Variants in OSBP2 observed in about 807,000 individuals in gnomAD.
The protein encoded by OSBP2 is oxysterol binding protein 2, also known as oxysterol-binding protein 2.
A neutral mutation model predicts 96.0 loss-of-function variants in OSBP2; 66 were observed. The ratio of observed to expected loss-of-function variants is 0.69; its 90% confidence interval spans 0.56 to 0.84. The LOEUF (loss-of-function observed/expected upper bound fraction) is 0.84. Among genes scored for constraint, OSBP2 ranks in the 40% least tolerant of loss-of-function variants. The pLI, the probability that OSBP2 is intolerant of heterozygous loss-of-function variation, is 0.00. For synonymous variants in OSBP2, 525 were observed against 520.9 expected (o/e 1.01, Z -0.11); for missense variants, 1,038 against 1,222.7 (o/e 0.85, Z 2.25).
intron 3 of OSBP2, chr22:30,872,204 C>T (rs2039472947): frequency 2.2e-6 from 1 of 455,928 alleles, no homozygotes; most frequent in Admixed American, 2.3e-5. Flanking sequence ...CCACTGTCCT[C>T]CTTACAGCCC....
intron 1 of OSBP2, among the ~76,000 whole-genome samples, chr22:30,720,158 G>A (rs1465478735): frequency 1.3e-5 from 2 of 152,238 alleles, no homozygotes; most frequent in Non-Finnish European, 2.9e-5. Context: ...CAGAGAGGCT[G>A]TCTCAGTGTT....
At chr22:30,862,977 G>GA in intron 2 of OSBP2, among the ~76,000 whole-genome samples, 1 of 138,996 alleles carries the variant, frequency 7.2e-6, no homozygotes, top group Non-Finnish European at 1.6e-5. Context: ...AAAAAAAAAA[G>GA]AAAAAAAGAA....
intron 1 of OSBP2, among the ~76,000 whole-genome samples, chr22:30,704,061 A>G (rs1295120388): frequency 1.3e-5 from 2 of 152,168 alleles, no homozygotes; most frequent in Admixed American, 6.6e-5. Flanking sequence ...AGCCCACGCA[A>G]AGGTGTCCAC....
At chr22:30,774,857 C>T (rs1193383781) in intron 2 of OSBP2, among the ~76,000 whole-genome samples, 1 of 152,102 alleles carries the variant, frequency 6.6e-6, no homozygotes, top group Non-Finnish European at 1.5e-5. Flanking sequence ...GGTTACCAAA[C>T]AATGAGTAAC....
chr22:30,886,155 C>T (rs529803792), intron 3 of OSBP2, among the ~76,000 whole-genome samples: 1 of 152,208 alleles, frequency 6.6e-6, no homozygotes, highest in South Asian at 2.1e-4. Flanking sequence ...GTGGTTGGGG[C>T]GCAGCTTGGT....
intron 2 of OSBP2, among the ~76,000 whole-genome samples, chr22:30,798,949 G>A (rs886292791): frequency 6.6e-6 from 1 of 151,574 alleles, no homozygotes; most frequent in Non-Finnish European, 1.5e-5. Flanking sequence ...AGGAGGCGGA[G>A]GTTTCAGTGA....
intron 2 of OSBP2, among the ~76,000 whole-genome samples, chr22:30,773,783 A>C (rs1266227712): frequency 6.6e-6 from 1 of 152,082 alleles, no homozygotes; most frequent in Non-Finnish European, 1.5e-5. Context: ...ATCTTGGAAA[A>C]GCAAGTCCTT....
At chr22:30,740,810 G>A (rs1602200634) in intron 1 of OSBP2, among the ~76,000 whole-genome samples, 1 of 152,298 alleles carries the variant, frequency 6.6e-6, no homozygotes, top group East Asian at 1.9e-4. Context: ...AAAGGAAAGA[G>A]TTTAGCATAG....
At chr22:30,777,443 C>T (rs1002067246) in intron 2 of OSBP2, among the ~76,000 whole-genome samples, 6 of 152,176 alleles carry the variant, frequency 3.9e-5, no homozygotes, top group African/African-American at 1.4e-4. Flanking sequence ...CCATGTGAGA[C>T]GTGCCTTTTA....
chr22:30,897,971 ATATT>A (rs2040104016), intron 12 of OSBP2, among the ~76,000 whole-genome samples: 1 of 151,066 alleles, frequency 6.6e-6, no homozygotes, highest in Non-Finnish European at 1.5e-5. Flanking sequence ...AAAAAAAAAG[ATATT>A]TAAACTGGCT....
intron 1 of OSBP2, among the ~76,000 whole-genome samples, chr22:30,709,551 C>G (rs1370571200): frequency 1.3e-5 from 2 of 151,848 alleles, no homozygotes; most frequent in Non-Finnish European, 2.9e-5. Flanking sequence ...GAGTCTCACT[C>G]TGTCTCCAGG....
At position 30,871,159 on chromosome 22, in the gene OSBP2, G is replaced by A. The variant is rs1602390591; in HGVS notation, c.1107+477G>A. ...GGGGCTGCAGTCGAGGGCTCCCTGA[G>A]CTAGAAGGGCCTCAGAGCTGAGCCT... On this transcript the variant is annotated intron_variant, in intron 3 of 13. Coordinates refer to ENST00000332585, the MANE Select transcript of OSBP2 (RefSeq NM_030758.4). The surrounding 1 kb of genome is among the most constrained non-coding windows in gnomAD (Gnocchi z 4.7). 6.6e-6 allele frequency among the ~76,000 whole-genome samples: 1 copy of A among 152,110 alleles called. No individual in the cohort carries two copies. The highest frequency in any genetic ancestry group is 1.5e-5 in the Non-Finnish European group (1 of 68,020).
chr22:30,792,483 G>A (rs181992680), intron 2 of OSBP2, among the ~76,000 whole-genome samples: 1 of 152,224 alleles, frequency 6.6e-6, no homozygotes, highest in Admixed American at 6.5e-5. Flanking sequence ...AGGCCCACGG[G>A]TAAAAAGTTT....
chr22:30,704,788 G>A (rs2089224191), intron 1 of OSBP2, among the ~76,000 whole-genome samples: 3 of 152,154 alleles, frequency 2.0e-5, no homozygotes, highest in Non-Finnish European at 4.4e-5. Flanking sequence ...TGTACAAACA[G>A]TATAGGCACA....
intron 2 of OSBP2, among the ~76,000 whole-genome samples, chr22:30,822,116 A>G (rs2038285630): frequency 6.6e-6 from 1 of 152,210 alleles, no homozygotes; most frequent in Non-Finnish European, 1.5e-5. Flanking sequence ...CAGCGGGGTC[A>G]GAAGATGAGA....
intron 1 of OSBP2, among the ~76,000 whole-genome samples, chr22:30,723,741 A>G (rs1018545958): frequency 4.6e-5 from 7 of 152,044 alleles, no homozygotes; most frequent in African/African-American, 1.7e-4. Flanking sequence ...AACCTTACCT[A>G]TTTACAGCAG....
At position 30,859,289 on chromosome 22, in the gene OSBP2, A is replaced by T. The variant is rs901988502; in HGVS notation, c.854-11140A>T. ...ACCGTCCGAGATCAGTGGCTTCTCC[A>T]GTGTGGGTCACCAAATACTCACCTT... On this transcript the variant is annotated intron_variant, in intron 2 of 13. Coordinates refer to ENST00000332585, the MANE Select transcript of OSBP2 (RefSeq NM_030758.4). 1.6e-4 allele frequency among the ~76,000 whole-genome samples: 25 copies of T among 152,206 alleles called. 4 individuals carry two copies. Among genetic ancestry groups the T allele is most frequent in the Admixed American group, 1.5e-3 (23 of 15,282 alleles).
At chr22:30,709,698 T>TA (rs146252650) in intron 1 of OSBP2, among the ~76,000 whole-genome samples, 9,789 of 150,306 alleles carry the variant, frequency 0.065, 1,078 homozygotes, top group African/African-American at 0.23. Flanking sequence ...TCTAATTATT[T>TA]AAAAAAAATT....
intron 2 of OSBP2, among the ~76,000 whole-genome samples, chr22:30,796,794 C>T (rs894106803): frequency 6.6e-6 from 1 of 152,208 alleles, no homozygotes; most frequent in African/African-American, 2.4e-5. Context: ...AGGCGTGAGC[C>T]ACGGCACCCA....
Sources: allele counts gnomAD v4.1 joint callset (sites outside exome capture counted in the v4.1 genomes callset), GRCh38; gene constraint gnomAD v4.1.1; non-coding constraint Gnocchi (gnomAD v3.1); transcripts MANE v1.5; gene names NCBI Gene and HGNC (gene_info 2026-07-23, HGNC 2026-07-21).